Variants in NRXN1 observed in about 807,000 individuals in gnomAD.
The protein encoded by NRXN1 is neurexin-1.
NRXN1 carries 39 observed loss-of-function variants against 150.9 expected under a neutral mutation model. The observed-to-expected ratio is 0.26, with a 90% CI of 0.20 to 0.34. The LOEUF is 0.34. NRXN1 is among the 10% of genes least tolerant of loss of function. NRXN1 has a pLI of 1.00. For synonymous variants in NRXN1, 924 were observed against 757.0 expected (o/e 1.22, Z -3.62); for missense variants, 1,815 against 1,949.9 (o/e 0.93, Z 1.30).
intron 17 of NRXN1, among the ~76,000 whole-genome samples, chr2:50,275,935 A>T (rs570173633): frequency 2.0e-5 from 3 of 149,560 alleles, no homozygotes; most frequent in African/African-American, 4.9e-5. Context: ...AAATTGTTCA[A>T]TCACTGTTTT....
chr2:50,282,671 T>C (rs1262621249), intron 17 of NRXN1, among the ~76,000 whole-genome samples: 5 of 152,146 alleles, frequency 3.3e-5, no homozygotes, highest in Admixed American at 3.3e-4. Flanking sequence ...CTTCAAGTAT[T>C]TCTATTTTTA....
At chr2:49,996,834 T>C (rs1012064955) in intron 21 of NRXN1, among the ~76,000 whole-genome samples, 1 of 152,354 alleles carries the variant, frequency 6.6e-6, no homozygotes, top group Non-Finnish European at 1.5e-5. Flanking sequence ...TTTAAGCCAC[T>C]ATATTTTTGG....
At chr2:50,284,275 C>T (rs1450721921) in intron 17 of NRXN1, among the ~76,000 whole-genome samples, 1 of 152,148 alleles carries the variant, frequency 6.6e-6, no homozygotes, top group Admixed American at 6.5e-5. Flanking sequence ...CGATACTGTA[C>T]CATCTACTTG....
chr2:50,775,182 C>G (rs1368065446), intron 5 of NRXN1, among the ~76,000 whole-genome samples: 1 of 152,102 alleles, frequency 6.6e-6, no homozygotes, highest in Non-Finnish European at 1.5e-5. Context: ...CAATCTCCAT[C>G]CAGGCCTTCA....
intron 5 of NRXN1, among the ~76,000 whole-genome samples, chr2:50,727,731 G>A (rs1697565978): frequency 6.6e-6 from 1 of 152,052 alleles, no homozygotes; most frequent in Admixed American, 6.5e-5. Context: ...ATTTTACCAT[G>A]GCAATATATA....
chr2:50,536,633 C>T (rs960029753), intron 10 of NRXN1, among the ~76,000 whole-genome samples: 2 of 152,298 alleles, frequency 1.3e-5, no homozygotes, highest in Middle Eastern at 3.4e-3. Context: ...ATCAGAACAA[C>T]TGGCAGCTCT....
At chr2:50,992,528 G>C (rs1286893327) in intron 2 of NRXN1, among the ~76,000 whole-genome samples, 1 of 151,942 alleles carries the variant, frequency 6.6e-6, no homozygotes, top group East Asian at 1.9e-4. Flanking sequence ...AAAAAGCACA[G>C]TTCTTTGTAG....
At chr2:50,195,330 G>A (rs1285495786) in intron 18 of NRXN1, among the ~76,000 whole-genome samples, 3 of 152,230 alleles carry the variant, frequency 2.0e-5, no homozygotes, top group African/African-American at 7.2e-5. Context: ...GTGTGATCCA[G>A]CTGCTTCTTG....
intron 5 of NRXN1, among the ~76,000 whole-genome samples, chr2:50,888,830 T>C (rs1298335712): frequency 6.6e-6 from 1 of 151,686 alleles, no homozygotes; most frequent in Admixed American, 6.6e-5. Flanking sequence ...AATCATTACC[T>C]ACATTCTATC....
chr2:50,965,078 G>C (rs1386419580), intron 2 of NRXN1, among the ~76,000 whole-genome samples: 1 of 151,322 alleles, frequency 6.6e-6, no homozygotes, highest in Non-Finnish European at 1.5e-5. Context: ...GGAGAAAGAA[G>C]AAATATGAGT....
intron 8 of NRXN1, among the ~76,000 whole-genome samples, chr2:50,571,378 A>C (rs1424592209): frequency 6.6e-6 from 1 of 152,160 alleles, no homozygotes; most frequent in South Asian, 2.1e-4. Flanking sequence ...TGGCTTCTAC[A>C]TTCTTAGACA....
At chr2:50,700,493 G>C (rs963251159) in intron 5 of NRXN1, among the ~76,000 whole-genome samples, 5 of 152,048 alleles carry the variant, frequency 3.3e-5, no homozygotes, top group Admixed American at 3.3e-4. Flanking sequence ...ATGTTTCCTA[G>C]GCATCCAAAA....
chr2:50,087,646 T>G (rs909708067), intron 19 of NRXN1, among the ~76,000 whole-genome samples: 2 of 152,170 alleles, frequency 1.3e-5, no homozygotes, highest in Non-Finnish European at 2.9e-5. Flanking sequence ...TTGTAAAATA[T>G]TATCTCTGTA....
chr2:50,024,440 G>A (rs1343245165), intron 21 of NRXN1, among the ~76,000 whole-genome samples: 2 of 152,068 alleles, frequency 1.3e-5, no homozygotes, highest in African/African-American at 4.8e-5. Flanking sequence ...TTATATTTAT[G>A]AGAAACATTA....
chr2:50,264,720 C>A (rs1334643308), intron 17 of NRXN1, among the ~76,000 whole-genome samples: 1 of 152,046 alleles, frequency 6.6e-6, no homozygotes, highest in Non-Finnish European at 1.5e-5. Flanking sequence ...ATTTTCTTAA[C>A]AGATTTTTGA....
intron 18 of NRXN1, among the ~76,000 whole-genome samples, chr2:50,126,046 G>C (rs930893867): frequency 1.4e-4 from 21 of 151,922 alleles, no homozygotes; most frequent in African/African-American, 5.1e-4. Flanking sequence ...AACAATAGCA[G>C]GAAAGAAAAA....
At chr2:50,027,920 A>ATTATGTTGTGTTAGTT (rs1323982001) in intron 21 of NRXN1, among the ~76,000 whole-genome samples, 1 of 152,072 alleles carries the variant, frequency 6.6e-6, no homozygotes, top group East Asian at 1.9e-4. Flanking sequence ...CCCGATTCCT[A>ATTATGTTGTGTTAGTT]TTATGTTGTG....
intron 2 of NRXN1, among the ~76,000 whole-genome samples, chr2:50,954,052 C>T (rs991276772): frequency 6.6e-6 from 1 of 152,068 alleles, no homozygotes; most frequent in African/African-American, 2.4e-5. Context: ...CACATAAAAG[C>T]ACACACCCTT....
At chr2:50,510,086 C>T (rs114150833) in intron 12 of NRXN1, among the ~76,000 whole-genome samples, 1,582 of 152,072 alleles carry the variant, frequency 0.01, 28 homozygotes, top group African/African-American at 0.035. Flanking sequence ...CTTCAAAAAA[C>T]TGAGGTGAAA....
Sources: gnomAD v4.1 joint callset for allele counts (sites outside exome capture counted in the v4.1 genomes callset) on GRCh38, gnomAD v4.1.1 for gene constraint, MANE v1.5 for transcripts, NCBI Gene and HGNC (gene_info 2026-07-23, HGNC 2026-07-21) for gene names.